The following CSMD1 variants were observed in gnomAD, a reference collection of about 807,000 sequenced individuals.
CSMD1 encodes the protein CUB and sushi domain-containing protein 1.
In CSMD1, 213 loss-of-function variants were observed where a neutral mutation model predicts 417.5. The ratio of observed to expected loss-of-function variants is 0.51; its 90% CI spans 0.46 to 0.57. The LOEUF is 0.57. Among genes scored for constraint, CSMD1 ranks in the 20% least tolerant of loss-of-function variants. The pLI, the probability that CSMD1 is intolerant of heterozygous loss-of-function variation, is 0.00. For missense variants in CSMD1, 6,923 were observed against 4,529.7 expected (o/e 1.53, Z -15.17); for synonymous variants, 2,862 against 1,736.8 (o/e 1.65, Z -16.11).
intron 1 of CSMD1, among the ~76,000 whole-genome samples, chr8:4,921,112 G>GAAAGA (rs1044185647): frequency 1.4e-4 from 21 of 151,278 alleles, no homozygotes; most frequent in Admixed American, 7.9e-4. Flanking sequence ...AAGAAAGAAA[G>GAAAGA]AAAGAAAAGA....
intron 5 of CSMD1, among the ~76,000 whole-genome samples, chr8:3,977,232 T>A (rs1392255899): frequency 6.6e-6 from 1 of 152,182 alleles, no homozygotes; most frequent in Non-Finnish European, 1.5e-5. Context: ...CTGACACTCC[T>A]TGCTACATTC....
At chr8:4,314,138 G>A (rs148599247) in intron 3 of CSMD1, among the ~76,000 whole-genome samples, 16 of 152,190 alleles carry the variant, frequency 1.1e-4, no homozygotes, top group African/African-American at 3.6e-4. Flanking sequence ...TGCAGAGACT[G>A]TCAACACATC....
chr8:3,642,409 C>A (rs1188426502), intron 7 of CSMD1, among the ~76,000 whole-genome samples: 7 of 152,094 alleles, frequency 4.6e-5, no homozygotes, highest in African/African-American at 1.2e-4. Context: ...GAGTTTATAA[C>A]CTAAATTTAT....
At chr8:3,612,639 CA>C (rs1387299902) in intron 8 of CSMD1, among the ~76,000 whole-genome samples, 1 of 152,024 alleles carries the variant, frequency 6.6e-6, no homozygotes, top group African/African-American at 2.4e-5. Context: ...AGAAAATGTT[CA>C]GTATATGGCA....
At chr8:4,582,373 T>C (rs1279530930) in intron 2 of CSMD1, among the ~76,000 whole-genome samples, 1 of 152,214 alleles carries the variant, frequency 6.6e-6, no homozygotes, top group African/African-American at 2.4e-5. Context: ...AACATAATTG[T>C]TTTGAGGACA....
intron 3 of CSMD1, among the ~76,000 whole-genome samples, chr8:4,383,099 T>C (rs1803210858): frequency 6.6e-6 from 1 of 152,178 alleles, no homozygotes; most frequent in Non-Finnish European, 1.5e-5. Context: ...GCTATCATCC[T>C]CTATTATGGG....
At chr8:3,074,597 C>T (rs967392202) in intron 49 of CSMD1, among the ~76,000 whole-genome samples, 6 of 152,168 alleles carry the variant, frequency 3.9e-5, no homozygotes, top group Non-Finnish European at 7.3e-5. Flanking sequence ...ATTTCACTTT[C>T]AAGAAATTGT....
chr8:3,774,509 G>C (rs2720764), intron 5 of CSMD1, among the ~76,000 whole-genome samples: 2 of 152,018 alleles, frequency 1.3e-5, no homozygotes, highest in African/African-American at 2.4e-5. Context: ...TAAATAGAAA[G>C]ATGCTGAATA....
intron 3 of CSMD1, among the ~76,000 whole-genome samples, chr8:4,403,414 G>A (rs80345415): frequency 1.3e-5 from 2 of 152,096 alleles, no homozygotes; most frequent in South Asian, 2.1e-4. Context: ...AACCACAGAA[G>A]TAAGAGTTTC....
At chr8:3,937,750 A>AT (rs1467254590) in intron 5 of CSMD1, among the ~76,000 whole-genome samples, 1 of 152,166 alleles carries the variant, frequency 6.6e-6, no homozygotes, top group African/African-American at 2.4e-5. Flanking sequence ...GATATTACTG[A>AT]TTAAGATGTA....
intron 44 of CSMD1, among the ~76,000 whole-genome samples, chr8:3,108,367 T>C (rs1181710512): frequency 6.6e-6 from 1 of 151,906 alleles, no homozygotes; most frequent in Non-Finnish European, 1.5e-5. Context: ...CATCTTAGAG[T>C]TTCACTTAGG....
intron 6 of CSMD1, among the ~76,000 whole-genome samples, chr8:3,730,858 G>A (rs1339574812): frequency 2.0e-5 from 3 of 152,238 alleles, no homozygotes; most frequent in Non-Finnish European, 2.9e-5. Context: ...TTATGCTAGA[G>A]GTGATAAGAG....
At chr8:3,913,251 C>G (rs1050329533) in intron 5 of CSMD1, among the ~76,000 whole-genome samples, 1 of 152,002 alleles carries the variant, frequency 6.6e-6, no homozygotes. Flanking sequence ...ATCCTTGGCA[C>G]GAGAATGACA....
intron 12 of CSMD1, among the ~76,000 whole-genome samples, chr8:3,424,874 C>G (rs1213774369): frequency 2.6e-5 from 4 of 152,198 alleles, no homozygotes; most frequent in Non-Finnish European, 4.4e-5. Context: ...GGGTCTTACT[C>G]TGTTTTCCAG....
intron 26 of CSMD1, among the ~76,000 whole-genome samples, chr8:3,262,927 A>C (rs764218660): frequency 1.1e-4 from 17 of 152,326 alleles, no homozygotes; most frequent in Middle Eastern, 3.4e-3. Flanking sequence ...ACTCAGTAGG[A>C]ATCCTATGAA....
chr8:4,884,714 C>G (rs976406270), intron 1 of CSMD1, among the ~76,000 whole-genome samples: 1 of 151,994 alleles, frequency 6.6e-6, no homozygotes, highest in East Asian at 1.9e-4. Flanking sequence ...TCTCAGTTTC[C>G]TTCCTTGGAT....
At chr8:3,670,284 T>G (rs866237671) in intron 7 of CSMD1, among the ~76,000 whole-genome samples, 10 of 152,024 alleles carry the variant, frequency 6.6e-5, no homozygotes, top group Middle Eastern at 3.4e-3. Context: ...CCAGCCTACA[T>G]CCTTCTCCTG....
chr8:4,134,201 C>G (rs1026411069), intron 3 of CSMD1, among the ~76,000 whole-genome samples: 3 of 152,136 alleles, frequency 2.0e-5, no homozygotes, highest in African/African-American at 2.4e-5. Context: ...AGGAAAGTCA[C>G]TGTCCTTACA....
intron 3 of CSMD1, among the ~76,000 whole-genome samples, chr8:4,052,976 G>T (rs1041838894): frequency 1.1e-4 from 17 of 152,190 alleles, no homozygotes; most frequent in African/African-American, 3.1e-4. Flanking sequence ...GAACCTGAGG[G>T]CCCCCTTACT....
Sources: allele counts gnomAD v4.1 joint callset (sites outside exome capture counted in the v4.1 genomes callset), GRCh38; gene constraint gnomAD v4.1.1; transcripts MANE v1.5; gene names NCBI Gene and HGNC (gene_info 2026-07-23, HGNC 2026-07-21).